PPP1R16B: variants seen among roughly 807,000 people sequenced by gnomAD.
PPP1R16B encodes the protein protein phosphatase 1 regulatory inhibitor subunit 16B.
Under a neutral mutation model 61.7 loss-of-function variants are expected in PPP1R16B, and 14 were observed. The observed-to-expected ratio is 0.23, with a 90% CI of 0.15 to 0.35. The LOEUF (loss-of-function observed/expected upper bound fraction) is 0.35. Ranked by LOEUF, PPP1R16B falls within the 10% of genes least tolerant of loss-of-function variation. The pLI is 1.00. For missense variants in PPP1R16B, 547 were observed against 752.5 expected (o/e 0.73, Z 3.19); for synonymous variants, 266 against 305.3 (o/e 0.87, Z 1.34).
At chr20:38,847,834 T>C (rs1199729694) in intron 2 of PPP1R16B, among the ~76,000 whole-genome samples, 1 of 152,220 alleles carries the variant, frequency 6.6e-6, no homozygotes, top group Non-Finnish European at 1.5e-5. Flanking sequence ...GCAGTGCGTG[T>C]ATGTGTTTGC....
intron 1 of PPP1R16B, among the ~76,000 whole-genome samples, chr20:38,818,610 T>A (rs1277367486): frequency 6.6e-6 from 1 of 152,100 alleles, no homozygotes; most frequent in Non-Finnish European, 1.5e-5. Context: ...GGAAACCACT[T>A]TGGGAACTGC....
intron 10 of PPP1R16B, among the ~76,000 whole-genome samples, chr20:38,917,671 G>A (rs2085553374): frequency 6.6e-6 from 1 of 152,156 alleles, no homozygotes; most frequent in African/African-American, 2.4e-5. Context: ...GTCTGAGCCT[G>A]GAAGGATCCT....
chr20:38,826,426 A>G, intron 1 of PPP1R16B, among the ~76,000 whole-genome samples: 1 of 151,902 alleles, frequency 6.6e-6, no homozygotes, highest in East Asian at 1.9e-4. Context: ...GGCCTTCTCC[A>G]CACTGCTGTA....
rs149039881 is a variant in PPP1R16B at position 38,898,040 on chromosome 20, A to T, written c.467+2330A>T. Among the ~76,000 whole-genome samples the T allele has an allele frequency of 1.4e-3, 220 of 152,262 alleles. 2 individuals are homozygous for T. The highest frequency in any genetic ancestry group is 5.2e-3 in the African/African-American group (214 of 41,548). The stretch of plus-strand genomic sequence containing the variant: ...GTACTATTTTCTCCCATTCTATAGG[A>T]TGTCTTTGAAATCACTGCCAAATCC... On this transcript the variant is annotated intron_variant, in intron 4 of 10. Transcript: ENST00000299824.
chr20:38,892,288 T>C (rs2085298104), intron 3 of PPP1R16B, among the ~76,000 whole-genome samples: 1 of 152,142 alleles, frequency 6.6e-6, no homozygotes, highest in African/African-American at 2.4e-5. Flanking sequence ...GTTGGTCACA[T>C]TGCTTTCTCA....
At chr20:38,832,140 T>C (rs939959142) in intron 1 of PPP1R16B, among the ~76,000 whole-genome samples, 1 of 152,240 alleles carries the variant, frequency 6.6e-6, no homozygotes, top group Non-Finnish European at 1.5e-5. Context: ...TCTTCCACTA[T>C]CTAGCGGTGG....
rs896764273 is a variant in PPP1R16B, at chr20:38,907,233, G to A, written c.898+179G>A. 6.6e-6 allele frequency among the ~76,000 whole-genome samples: 1 copy of A among 152,098 alleles called. No homozygotes were observed. The highest frequency in any genetic ancestry group is 2.4e-5 in the African/African-American group (1 of 41,418). On this transcript the variant is annotated intron_variant, in intron 8 of 10. Coordinates refer to ENST00000299824, the MANE Select transcript of PPP1R16B (RefSeq NM_015568.4). The surrounding 1 kb of genome is among the most constrained non-coding windows in gnomAD (Gnocchi z 4.5). ...CGGATGGACAGATTAATGGATAGAT[G>A]GATAAATGGATGAATGGATGGTTGA...
Position 38,907,688 on chromosome 20 carries a change from C to T in PPP1R16B, c.899-118C>T, listed in dbSNP as rs1451217397. On this transcript the variant is annotated intron_variant, in intron 8 of 10. Coordinates refer to ENST00000299824, the MANE Select transcript of PPP1R16B (RefSeq NM_015568.4). This position sits in a 1 kb window ranked among gnomAD's most constrained non-coding sequence, Gnocchi z 4.5. ...ATTGTTTTCTTGCCTCCCTGCATGCCCTGAAAGATGCTTGGAGTTTTCAGT... is the reference window on the plus strand; with the variant it reads ...ATTGTTTTCTTGCCTCCCTGCATGCTCTGAAAGATGCTTGGAGTTTTCAGT... The T allele has an allele frequency of 7.4e-7, 1 of 1,358,696 alleles. No homozygotes were observed. Among genetic ancestry groups the T allele is most frequent in the East Asian group, 2.3e-5 (1 of 43,158 alleles). 84.2% of individuals were successfully genotyped at this position (1,358,696 alleles called of 1,614,324 possible).
intron 2 of PPP1R16B, among the ~76,000 whole-genome samples, chr20:38,850,698 G>A (rs1173241655): frequency 1.3e-5 from 2 of 152,214 alleles, no homozygotes; most frequent in Admixed American, 6.5e-5. Flanking sequence ...CCAGCGTGGT[G>A]CTCACGCCTG....
At chr20:38,858,399 G>GC (rs2085023215) in intron 2 of PPP1R16B, among the ~76,000 whole-genome samples, 1 of 152,094 alleles carries the variant, frequency 6.6e-6, no homozygotes, top group Admixed American at 6.6e-5. Context: ...CATTCCCGTG[G>GC]CCTGGCTGCA....
intron 2 of PPP1R16B, chr20:38,873,058 AG>A (rs2145746396): frequency 6.6e-6 from 1 of 152,430 alleles, no homozygotes; most frequent in Admixed American, 6.5e-5. Context: ...CTCTCCTGCC[AG>A]GGCAGTGGCA....
At position 38,864,878 on chromosome 20, in the gene PPP1R16B, T is replaced by C. The variant is rs62202531; in HGVS notation, c.251-24717T>C. Among the ~76,000 whole-genome samples, 918 of 152,336 alleles carry C rather than the reference T, an allele frequency of 6.0e-3. 4 individuals carry two copies. Among genetic ancestry groups the C allele is most frequent in the African/African-American group, 0.021 (868 of 41,574 alleles). ...CAGTTTGAGAGTGCCTGGCCCCTCC[T>C]GGAGCTGGAGCTGCAGAAATCGATT... is the stretch of plus-strand genomic sequence containing the variant. On this transcript the variant is annotated intron_variant, in intron 2 of 10. Coordinates refer to ENST00000299824, the MANE Select transcript of PPP1R16B (RefSeq NM_015568.4).
At chr20:38,824,183 T>C (rs1467862082) in intron 1 of PPP1R16B, among the ~76,000 whole-genome samples, 3 of 152,338 alleles carry the variant, frequency 2.0e-5, no homozygotes. Flanking sequence ...GTGGAAGGTA[T>C]GCTGGACACA....
chr20:38,891,182 G>T (rs929468040), intron 3 of PPP1R16B, among the ~76,000 whole-genome samples: 81 of 152,146 alleles, frequency 5.3e-4, no homozygotes, highest in Admixed American at 5.3e-3. Flanking sequence ...CTCCTACTGC[G>T]TGCCAGAAAG....
chr20:38,830,935 G>A (rs181977832), intron 1 of PPP1R16B, among the ~76,000 whole-genome samples: 33 of 152,248 alleles, frequency 2.2e-4, no homozygotes, highest in Admixed American at 1.8e-3. Context: ...CATGTTTTTG[G>A]TACCTTCCAC....
At chr20:38,818,872 G>A (rs112032952) in intron 1 of PPP1R16B, among the ~76,000 whole-genome samples, 6,946 of 151,738 alleles carry the variant, frequency 0.046, 175 homozygotes, top group Non-Finnish European at 0.06. Context: ...TCAACCTCCT[G>A]GGCTTAGGCG....
At chr20:38,892,121 G>T (rs900568273) in intron 3 of PPP1R16B, among the ~76,000 whole-genome samples, 2 of 152,322 alleles carry the variant, frequency 1.3e-5, no homozygotes, top group Non-Finnish European at 2.9e-5. Context: ...TTTGAAACAA[G>T]GCAGTCTTAA....
chr20:38,827,151 A>C (rs1315445039), intron 1 of PPP1R16B, among the ~76,000 whole-genome samples: 1 of 151,974 alleles, frequency 6.6e-6, no homozygotes, highest in East Asian at 1.9e-4. Flanking sequence ...GGGTCTTGCT[A>C]TGTTGCCCAG....
intron 1 of PPP1R16B, among the ~76,000 whole-genome samples, chr20:38,814,457 G>A (rs2084722453): frequency 6.6e-6 from 1 of 152,082 alleles, no homozygotes; most frequent in Non-Finnish European, 1.5e-5. Flanking sequence ...TATTTGCTGA[G>A]CCACAATTTC....
Sources: gnomAD v4.1 joint callset for allele counts (sites outside exome capture counted in the v4.1 genomes callset) on GRCh38, gnomAD v4.1.1 for gene constraint, Gnocchi (gnomAD v3.1) non-coding constraint, MANE v1.5 for transcripts, NCBI Gene and HGNC (gene_info 2026-07-23, HGNC 2026-07-21) for gene names.